RBFOX1: variants seen among roughly 807,000 people sequenced by gnomAD.
RBFOX1 encodes the protein RNA binding fox-1 homolog 1.
Under a neutral mutation model 57.7 loss-of-function variants are expected in RBFOX1, and 8 were observed. The ratio of observed to expected loss-of-function variants is 0.14; its 90% CI spans 0.08 to 0.25. The LOEUF is 0.25. Among genes scored for constraint, RBFOX1 ranks in the 10% least tolerant of loss-of-function variants. The pLI, the probability that RBFOX1 is intolerant of heterozygous loss-of-function variation, is 1.00. For synonymous variants in RBFOX1, 326 were observed against 222.4 expected (o/e 1.47, Z -4.15); for missense variants, 611 against 548.5 (o/e 1.11, Z -1.14).
intron 2 of RBFOX1, among the ~76,000 whole-genome samples, chr16:5,576,172 A>C (rs959002131): frequency 1.3e-5 from 2 of 151,934 alleles, no homozygotes; most frequent in Non-Finnish European, 1.5e-5. Flanking sequence ...TTTTTAGTAG[A>C]GATGGGGTTT....
At chr16:5,753,160 A>T (rs1161139162) in intron 3 of RBFOX1, among the ~76,000 whole-genome samples, 1 of 144,334 alleles carries the variant, frequency 6.9e-6, no homozygotes, top group Non-Finnish European at 1.5e-5. Flanking sequence ...ACCTTGTCTT[A>T]AAAAAAAAAA....
chr16:7,571,525 A>G (rs1423908939), intron 5 of RBFOX1, among the ~76,000 whole-genome samples: 3 of 152,212 alleles, frequency 2.0e-5, no homozygotes, highest in African/African-American at 7.2e-5. Flanking sequence ...TGGAAGCACT[A>G]AGTGATCTTC....
chr16:5,571,215 CTTTTTTTTT>C (rs34409151), intron 2 of RBFOX1, among the ~76,000 whole-genome samples: 3 of 79,830 alleles, frequency 3.8e-5, no homozygotes, highest in Admixed American at 3.8e-4. Flanking sequence ...CCATCTTTGA[CTTTTTTTTT>C]TTTTTTTTTT....
chr16:5,814,929 C>G (rs2055571716), intron 3 of RBFOX1, among the ~76,000 whole-genome samples: 1 of 151,730 alleles, frequency 6.6e-6, no homozygotes, highest in African/African-American at 2.4e-5. Flanking sequence ...GAGCGAGACT[C>G]CGTCTCAAAA....
Position 7,451,592 on chromosome 16 carries a change from T to G in RBFOX1, c.28-66555T>G, listed in dbSNP as rs1268003175. On this transcript the variant is annotated intron_variant, in intron 4 of 15. Transcript: ENST00000550418. The stretch of plus-strand genomic sequence containing the variant: ...TCTTAGAGACTGGCTTCTAAATTCC[T>G]GGTGAGTTGCAAATATTCTTAGATT... 3.3e-5 allele frequency among the ~76,000 whole-genome samples: 5 copies of G among 152,316 alleles called. No homozygotes were observed. The East Asian group carries it at 5.8e-4, about 18-fold the overall frequency.
At chr16:5,765,972 T>G (rs8047069) in intron 3 of RBFOX1, among the ~76,000 whole-genome samples, 22,377 of 152,048 alleles carry the variant, frequency 0.15, 2,001 homozygotes, top group African/African-American at 0.24. Context: ...TCTTTGTCTC[T>G]GGGGTGCTCA....
intron 4 of RBFOX1, among the ~76,000 whole-genome samples, chr16:7,185,912 C>A (rs1200165917): frequency 6.6e-6 from 1 of 152,104 alleles, no homozygotes; most frequent in Non-Finnish European, 1.5e-5. Context: ...GATACAATTC[C>A]CACTGGTGAC....
chr16:5,369,050 G>A (rs1400455506), intron 1 of RBFOX1, among the ~76,000 whole-genome samples: 2 of 152,178 alleles, frequency 1.3e-5, no homozygotes, highest in Admixed American at 6.5e-5. Context: ...TGCCCAGGCT[G>A]GAGTGCAGTG....
At chr16:7,106,796 C>G (rs76431874) in intron 4 of RBFOX1, among the ~76,000 whole-genome samples, 1 of 151,730 alleles carries the variant, frequency 6.6e-6, no homozygotes. Context: ...ACCAGATGCC[C>G]TAAAAGGTGT....
chr16:7,102,731 T>G (rs947742035), intron 4 of RBFOX1, among the ~76,000 whole-genome samples: 1 of 152,174 alleles, frequency 6.6e-6, no homozygotes, highest in Non-Finnish European at 1.5e-5. Context: ...ATTTATAAAG[T>G]TTGGAGACTT....
chr16:5,536,337 C>A (rs547686221), intron 2 of RBFOX1, among the ~76,000 whole-genome samples: 19 of 149,380 alleles, frequency 1.3e-4, no homozygotes, highest in Non-Finnish European at 2.2e-4. Flanking sequence ...TGGGTTCAAG[C>A]GATTCTCCTG....
At chr16:7,087,810 T>C (rs1191793863) in intron 4 of RBFOX1, among the ~76,000 whole-genome samples, 2 of 152,170 alleles carry the variant, frequency 1.3e-5, no homozygotes, top group African/African-American at 4.8e-5. Context: ...GAGACTTCTG[T>C]TTGCTGACAG....
rs967940358 is a variant in RBFOX1 at position 7,543,796 on chromosome 16, C to G, written c.270+25407C>G. 5.7e-4 allele frequency among the ~76,000 whole-genome samples: 86 copies of G among 152,188 alleles called. 1 individual carries two copies. Among genetic ancestry groups the G allele is most frequent in the African/African-American group, 2.0e-3 (84 of 41,528 alleles). On this transcript the variant is annotated intron_variant, in intron 5 of 15. Transcript: ENST00000550418. ...AGTGCAGTGGCACGATCTTGGCTCA[C>G]TGCAACCTCTACCTCCTTGGTTCAA... is the stretch of plus-strand genomic sequence containing the variant.
intron 3 of RBFOX1, among the ~76,000 whole-genome samples, chr16:6,792,378 T>G (rs4786935): frequency 6.6e-6 from 1 of 152,002 alleles, no homozygotes; most frequent in Non-Finnish European, 1.5e-5. Context: ...CATATCTTTA[T>G]GCAGAATTAT....
chr16:6,222,962 G>T (rs149554053), intron 1 of RBFOX1, among the ~76,000 whole-genome samples: 2 of 151,186 alleles, frequency 1.3e-5, no homozygotes, highest in Non-Finnish European at 2.9e-5. Context: ...TTGGTTTGTT[G>T]TCCTTGCGAT....
chr16:6,925,826 G>A (rs945055658), intron 3 of RBFOX1, among the ~76,000 whole-genome samples: 3 of 151,832 alleles, frequency 2.0e-5, no homozygotes, highest in Non-Finnish European at 2.9e-5. Context: ...ATTACCTTTG[G>A]TGAGTTCCTT....
chr16:6,751,406 C>T lies in RBFOX1; in HGVS notation c.-16+96756C>T, dbSNP rs142110788. On this transcript the variant is annotated intron_variant, in intron 3 of 15. Coordinates refer to ENST00000550418, the MANE Select transcript of RBFOX1 (RefSeq NM_018723.4). ...AAAGAGGAACTAGCTAGGAAGTTCC[C>T]TAAAGGAGGGTGGTCTGTATTCTTG... Among the ~76,000 whole-genome samples, 40 of 152,158 alleles carry T rather than the reference C, an allele frequency of 2.6e-4. 1 individual carries two copies. Among genetic ancestry groups the T allele is most frequent in the African/African-American group, 9.2e-4 (38 of 41,524 alleles).
chr16:6,005,516 G>C (rs1366918741), intron 4 of RBFOX1, among the ~76,000 whole-genome samples: 2 of 152,208 alleles, frequency 1.3e-5, no homozygotes, highest in Admixed American at 1.3e-4. Flanking sequence ...GGTGATACAA[G>C]GGTTTTCAAC....
At chr16:6,376,321 T>TTC (rs1200356728) in intron 2 of RBFOX1, among the ~76,000 whole-genome samples, 9 of 132,428 alleles carry the variant, frequency 6.8e-5, no homozygotes, top group Non-Finnish European at 1.3e-4. Flanking sequence ...TGTTGTTGTT[T>TTC]GCAAGGGCCC....
Sources: gnomAD v4.1 joint callset for allele counts (sites outside exome capture counted in the v4.1 genomes callset) on GRCh38, gnomAD v4.1.1 for gene constraint, MANE v1.5 for transcripts, NCBI Gene and HGNC (gene_info 2026-07-23, HGNC 2026-07-21) for gene names.